C9orf78: variants seen among roughly 807,000 people sequenced by gnomAD.
C9orf78 encodes chromosome 9 open reading frame 78, also known as splicing factor C9orf78.
Under a neutral mutation model 37.4 loss-of-function variants are expected in C9orf78, and 19 were observed. The observed-to-expected ratio is 0.51, with a 90% CI of 0.35 to 0.74. The LOEUF is 0.74. Ranked by LOEUF, C9orf78 falls within the 30% of genes least tolerant of loss-of-function variation. The pLI, the probability that C9orf78 is intolerant of heterozygous loss-of-function variation, is 0.01. For missense variants in C9orf78, 291 were observed against 370.8 expected (o/e 0.78, Z 1.77); for synonymous variants, 130 against 128.0 (o/e 1.02, Z -0.10).
At chr9:129,833,797 T>G in intron 2 of C9orf78, 88 bp from the exon 3 acceptor site, 1 of 913,920 alleles carries the variant, frequency 1.1e-6, no homozygotes, top group Non-Finnish European at 1.7e-6. Context: ...GTATGCGGAT[T>G]GCAACATTAG....
chr9:129,830,849 T>C (rs542476471), intron 6 of C9orf78, 22 bp downstream of exon 6: 1 of 1,560,950 alleles, frequency 6.4e-7, no homozygotes, highest in South Asian at 1.1e-5. Flanking sequence ...CTGTGTCTTC[T>C]GCCTAGGGGT....
Position 129,828,278 on chromosome 9 carries a change from T to A in C9orf78, c.779-26A>T, listed in dbSNP as rs118096419. 7.3e-3 allele frequency: 10,177 copies of A among 1,395,540 alleles called. 77 individuals carry two copies. The highest frequency in any genetic ancestry group is 0.025 in the East Asian group (1,083 of 43,320). 86.4% of individuals were successfully genotyped at this position (1,395,540 alleles called of 1,614,324 possible). On this transcript the variant is annotated intron_variant, in intron 8 of 8. Transcript: ENST00000372447. ...CTGAGAAGGAAAAGAACAGGAAAGGTGGTTTGCCATGCTGGAACCCACTGC... is the reference window on the plus strand; with the variant it reads ...CTGAGAAGGAAAAGAACAGGAAAGGAGGTTTGCCATGCTGGAACCCACTGC...
chr9:129,830,134 C>T (rs2131013531), intron 6 of C9orf78: 1 of 152,688 alleles, frequency 6.5e-6, no homozygotes, highest in East Asian at 1.9e-4. Context: ...TCTAAGGACA[C>T]AGATAAGAAC....
At chr9:129,828,411 CTTT>C (rs58939598) in intron 8 of C9orf78, 159 bp from the exon 9 acceptor site, 73 of 394,084 alleles carry the variant, frequency 1.9e-4, no homozygotes, top group African/African-American at 1.4e-3. Context: ...ACGTATTTGT[CTTT>C]TTTTTTTTCT....
In C9orf78 at chr9:129,833,475, T is replaced by C; in HGVS notation, c.238A>G (p.Lys80Glu). 1 of 1,605,824 alleles carries C rather than the reference T, an allele frequency of 6.2e-7. No homozygotes were observed. Among genetic ancestry groups the C allele is most frequent in the Non-Finnish European group, 8.5e-7 (1 of 1,172,364 alleles). Residue 80 changes from lysine to glutamate, a missense_variant, in exon 4 of 9, where the codon AAG becomes GAG. Around this residue, in one of 3 missense-constraint regions of C9orf78, gnomAD observed 158 missense variants for 174.8 expected, o/e 0.90. Transcript: ENST00000372447. The part of the protein sequence containing the change: ...QMKTGGMVDM[K>E]KLKERGKDKI... ...TCTTTGCCCCTTTCCTTCAGTTTCTTCATATCCACCATACCACCTGTCTTC... is the reference window on the plus strand; with the variant it reads ...TCTTTGCCCCTTTCCTTCAGTTTCTCCATATCCACCATACCACCTGTCTTC...
At chr9:129,828,511 A>C in intron 8 of C9orf78, 1 of 264,018 alleles carries the variant, frequency 3.8e-6, no homozygotes, top group Non-Finnish European at 7.5e-6. Flanking sequence ...GCAACCTCCA[A>C]CTCCCGAGTT....
intron 1 of C9orf78, 169 bp from the exon 2 acceptor site, chr9:129,834,935 C>G: frequency 1.5e-6 from 1 of 669,068 alleles, no homozygotes. Context: ...GGAGTCAGAG[C>G]CACTGCGCAT....
chr9:129,833,823 T>G, intron 2 of C9orf78, 114 bp from the exon 3 acceptor site: 1 of 703,140 alleles, frequency 1.4e-6, no homozygotes, highest in Non-Finnish European at 2.4e-6. Context: ...GGGTGGGATT[T>G]GAGGGGTGGG....
chr9:129,829,642 T>C (rs2131013216), intron 6 of C9orf78, 101 bp from the exon 7 acceptor site: 1 of 1,007,514 alleles, frequency 9.9e-7, no homozygotes, highest in Non-Finnish European at 1.5e-6. Flanking sequence ...AAGAAAATCA[T>C]GTGTCCTGGG....
At chr9:129,829,844 C>G (rs866090442) in intron 6 of C9orf78, 68 of 260,530 alleles carry the variant, frequency 2.6e-4, no homozygotes, top group African/African-American at 1.3e-3. Context: ...TCTACTGTAC[C>G]AGAAGATTAT....
intron 4 of C9orf78, 53 bp downstream of exon 4, chr9:129,833,394 G>T (rs34321780): frequency 9.5e-7 from 1 of 1,053,242 alleles, no homozygotes; most frequent in Non-Finnish European, 1.5e-6. Flanking sequence ...AGGGAACCTA[G>T]ACCCAGGCAG....
In C9orf78 at chr9:129,830,952, C is replaced by T. The variant is rs1437020109; in HGVS notation, c.461G>A (p.Arg154His). The change falls in exon 6 of 9, where the codon CGT (arginine) becomes CAT (histidine). Residue 154 changes from arginine to histidine, a missense_variant. Physicochemically the swap from Arg to His is conservative, Grantham distance 29. Coordinates refer to ENST00000372447, the MANE Select transcript of C9orf78 (RefSeq NM_016520.3). The stretch of plus-strand genomic sequence containing the variant: ...CTCGGTCTTCTTTGCTGAGGAAACA[C>T]GGATGTTTTCTGGAAGTTCATAAAG... Reference protein sequence around the residue: ...DCLYELPENIRVSSAKKTEEM... With the variant: ...DCLYELPENIHVSSAKKTEEM... The T allele has an allele frequency of 3.7e-6, 6 of 1,613,528 alleles. No homozygotes were observed. The highest frequency in any genetic ancestry group is 5.1e-6 in the Non-Finnish European group (6 of 1,179,496).
At chr9:129,834,812 C>T (rs1312968151) in intron 1 of C9orf78, 46 bp from the exon 2 acceptor site, 1 of 1,441,506 alleles carries the variant, frequency 6.9e-7, no homozygotes, top group Non-Finnish European at 9.7e-7. Context: ...GAGTGATTCC[C>T]CGCGGAATCC....
At chr9:129,833,299 T>G (rs2031558295) in intron 4 of C9orf78, 148 bp downstream of exon 4, 3 of 626,336 alleles carry the variant, frequency 4.8e-6, no homozygotes, top group Non-Finnish European at 8.7e-6. Context: ...GCTTTCTTTG[T>G]TTTTAAATAA....
intron 4 of C9orf78, among the ~76,000 whole-genome samples, chr9:129,833,008 T>G (rs2031542990): frequency 7.0e-6 from 1 of 143,130 alleles, no homozygotes; most frequent in Non-Finnish European, 1.6e-5. Context: ...TGTGTGTGTG[T>G]GTGTGTGTAT....
chr9:129,833,809 G>T (rs2031589971), intron 2 of C9orf78, 100 bp from the exon 3 acceptor site: 1 of 788,442 alleles, frequency 1.3e-6, no homozygotes, highest in Admixed American at 2.1e-5. Context: ...CAACATTAGT[G>T]CAAGGGTGGG....
At position 129,828,113 on chromosome 9, in the gene C9orf78, A is replaced by C; in HGVS notation, c.*48T>G. The C allele has an allele frequency of 9.0e-7, 1 of 1,112,024 alleles. No individual in the cohort carries two copies. The highest frequency in any genetic ancestry group is 1.4e-6 in the Non-Finnish European group (1 of 733,862). 68.9% of individuals were successfully genotyped at this position (1,112,024 alleles called of 1,614,324 possible). ...CGGCCAGGAAGCCATTTTTCATGGG[A>C]GGGATATAGGGAGAGGAAGGCGATA... On this transcript the variant is annotated 3_prime_UTR_variant, in exon 9 of 9. Transcript: ENST00000372447.
chr9:129,827,420 G>A lies in C9orf78; in HGVS notation c.*741C>T, dbSNP rs2031364652. On this transcript the variant is annotated 3_prime_UTR_variant, in exon 9 of 9. Coordinates refer to ENST00000372447, the MANE Select transcript of C9orf78 (RefSeq NM_016520.3). ...CCAGTATCCTTCTGATCTCATCCTG[G>A]ATTTTTCTGTCAGCTGGAGGATGCA... 2 of 151,972 alleles carry A rather than the reference G, an allele frequency of 1.3e-5. No individual in the cohort carries two copies. Among genetic ancestry groups the A allele is most frequent in the South Asian group, 4.1e-4 (2 of 4,822 alleles). 9.4% of individuals were successfully genotyped at this position (151,972 alleles called of 1,614,324 possible).
chr9:129,835,159 C>A lies in C9orf78; in HGVS notation c.63G>T (p.Glu21Asp), dbSNP rs1407689273. The stretch of plus-strand genomic sequence containing the variant: ...CGCACCGAACCTCCTCTGAGTCCTG[C>A]TCATCTTCCTCTGACTCCGAGTCGC... ...RRGDSESEED[E>D]QDSEEVRLKL... The change falls in exon 1 of 9, where the codon GAG becomes GAT. Residue 21 changes from glutamate (E) to aspartate (D), a missense_variant. Around this residue, in one of 3 missense-constraint regions of C9orf78, gnomAD observed 158 missense variants for 174.8 expected, o/e 0.90. Transcript: ENST00000372447. 1 of 1,611,784 alleles carries A rather than the reference C, an allele frequency of 6.2e-7. No homozygotes were observed. Among genetic ancestry groups the A allele is most frequent in the Admixed American group, 1.7e-5 (1 of 59,810 alleles).
Sources: allele counts gnomAD v4.1 joint callset (sites outside exome capture counted in the v4.1 genomes callset), GRCh38; gene constraint gnomAD v4.1.1; regional missense constraint gnomAD v4.1.1; transcripts MANE v1.5; gene names NCBI Gene and HGNC (gene_info 2026-07-23, HGNC 2026-07-21).